Variants in PEX14 observed in about 807,000 individuals in gnomAD.
The protein encoded by PEX14 is peroxisomal biogenesis factor 14.
Under a neutral mutation model 49.5 loss-of-function variants are expected in PEX14, and 15 were observed. That is an observed-to-expected ratio of 0.30 (90% confidence interval 0.20 to 0.47). The LOEUF is 0.47. Among genes scored for constraint, PEX14 ranks in the 20% least tolerant of loss-of-function variants. PEX14 has a pLI of 1.00. For missense variants in PEX14, 398 were observed against 494.8 expected (o/e 0.80, Z 1.86); for synonymous variants, 210 against 212.7 (o/e 0.99, Z 0.11).
At chr1:10,548,764 A>G (rs564183543) in intron 3 of PEX14, among the ~76,000 whole-genome samples, 177 of 152,328 alleles carry the variant, frequency 1.2e-3, no homozygotes, top group African/African-American at 4.1e-3. Context: ...GGTCCTCAGT[A>G]AACAGAGTGA....
intron 1 of PEX14, among the ~76,000 whole-genome samples, chr1:10,477,653 G>C (rs1288195024): frequency 6.6e-6 from 1 of 152,172 alleles, no homozygotes; most frequent in Non-Finnish European, 1.5e-5. Context: ...CTGGTTTCCA[G>C]CTATTAAAGG....
rs964198205 is a variant in PEX14, at chr1:10,539,018, T to G, written c.169+2721T>G. 2.6e-5 allele frequency among the ~76,000 whole-genome samples: 4 copies of G among 152,198 alleles called. No individual in the cohort carries two copies. Among genetic ancestry groups the G allele is most frequent in the African/African-American group, 9.6e-5 (4 of 41,458 alleles). ...ATCCAATTTTGTTTTTCTTTTAATA[T>G]TATTTAATATTTAATATAGAAATTG... On this transcript the variant is annotated intron_variant, in intron 3 of 8. Coordinates refer to ENST00000356607, the MANE Select transcript of PEX14 (RefSeq NM_004565.3). The surrounding 1 kb of genome is among the most constrained non-coding windows in gnomAD (Gnocchi z 4.6).
At chr1:10,520,848 T>C (rs942397609) in intron 2 of PEX14, among the ~76,000 whole-genome samples, 4 of 152,140 alleles carry the variant, frequency 2.6e-5, no homozygotes, top group African/African-American at 9.7e-5. Flanking sequence ...GTTAAATGAA[T>C]TGATCCACAC....
rs760139700 is a variant in PEX14 at position 10,623,083 on chromosome 1, C to T, written c.449C>T (p.Ala150Val). Residue 150 changes from alanine to valine, a missense_variant, in exon 6 of 9, where the codon GCC becomes GTC. Ala to Val is a moderately conservative substitution (Grantham distance 64, BLOSUM62 0). Coordinates refer to ENST00000356607, the MANE Select transcript of PEX14 (RefSeq NM_004565.3). This position sits in a 1 kb window ranked among gnomAD's most constrained non-coding sequence, Gnocchi z 4.4. ...AGAAAGCAGCTGGAGAGGATGGAGG[C>T]CGGTCTCTCTGAGCTGAGTGGCAGC... ...EDRKQLERME[A>V]GLSELSGSVA... The T allele has an allele frequency of 3.1e-6, 5 of 1,613,744 alleles. No individual in the cohort carries two copies. The East Asian group carries it at 8.9e-5, about 29-fold the overall frequency.
chr1:10,538,126 T>C (rs1638893091), intron 3 of PEX14, among the ~76,000 whole-genome samples: 1 of 152,056 alleles, frequency 6.6e-6, no homozygotes, highest in Non-Finnish European at 1.5e-5. Flanking sequence ...GATTAACAAA[T>C]GGGAAAATGA....
At chr1:10,505,648 A>G (rs1020352510) in intron 2 of PEX14, among the ~76,000 whole-genome samples, 10 of 148,846 alleles carry the variant, frequency 6.7e-5, no homozygotes, top group Admixed American at 6.0e-4. Flanking sequence ...GAGTGCCAAG[A>G]TTACAGGTGT....
At chr1:10,566,620 C>T (rs1639812680) in intron 3 of PEX14, among the ~76,000 whole-genome samples, 1 of 152,080 alleles carries the variant, frequency 6.6e-6, no homozygotes, top group African/African-American at 2.4e-5. Context: ...TCCCGAGTAG[C>T]TAGGATTACA....
intron 1 of PEX14, among the ~76,000 whole-genome samples, chr1:10,478,749 ATT>A (rs773890718): frequency 5.0e-5 from 7 of 141,316 alleles, no homozygotes; most frequent in Admixed American, 7.1e-5. Flanking sequence ...TGGCTAATGT[ATT>A]TTTTTTTTTT....
At chr1:10,568,335 C>A (rs1477128153) in intron 3 of PEX14, among the ~76,000 whole-genome samples, 1 of 130,030 alleles carries the variant, frequency 7.7e-6, no homozygotes, top group African/African-American at 2.9e-5. Context: ...CCCCCCCCCC[C>A]CCCACTCCCA....
intron 2 of PEX14, among the ~76,000 whole-genome samples, chr1:10,508,440 C>G (rs2124430808): frequency 6.6e-6 from 1 of 152,306 alleles, no homozygotes; most frequent in Non-Finnish European, 1.5e-5. Context: ...ATCTCCTGAC[C>G]TCGGCCTCCC....
chr1:10,581,617 C>A (rs1451341065), intron 3 of PEX14, among the ~76,000 whole-genome samples: 1 of 151,640 alleles, frequency 6.6e-6, no homozygotes, highest in Non-Finnish European at 1.5e-5. Flanking sequence ...CCTTGTTATT[C>A]TTATTTGTGC....
chr1:10,545,246 A>C (rs778614366), intron 3 of PEX14, among the ~76,000 whole-genome samples: 7 of 152,014 alleles, frequency 4.6e-5, no homozygotes, highest in Non-Finnish European at 1.0e-4. Context: ...CTGTTGATGG[A>C]CATTTGGGTT....
chr1:10,596,969 G>C (rs1196415937), intron 3 of PEX14, among the ~76,000 whole-genome samples: 1 of 152,234 alleles, frequency 6.6e-6, no homozygotes, highest in African/African-American at 2.4e-5. Flanking sequence ...GATAATGCAA[G>C]GAACATGTTT....
At chr1:10,584,527 T>C (rs1640423610) in intron 3 of PEX14, among the ~76,000 whole-genome samples, 1 of 152,212 alleles carries the variant, frequency 6.6e-6, no homozygotes, top group South Asian at 2.1e-4. Flanking sequence ...TGTCTGTAAC[T>C]TAGTCTCAAA....
At chr1:10,524,965 T>C (rs1570205890) in intron 2 of PEX14, among the ~76,000 whole-genome samples, 2 of 152,242 alleles carry the variant, frequency 1.3e-5, no homozygotes, top group Admixed American at 6.5e-5. Flanking sequence ...TGCTGAATTA[T>C]AGGCGTGGGC....
intron 3 of PEX14, among the ~76,000 whole-genome samples, chr1:10,544,649 A>G (rs562278133): frequency 6.6e-6 from 1 of 152,292 alleles, no homozygotes; most frequent in East Asian, 1.9e-4. Flanking sequence ...CAGCATCCCC[A>G]AAAGTTTCCT....
chr1:10,564,111 T>C (rs2124536433), intron 3 of PEX14, among the ~76,000 whole-genome samples: 1 of 152,306 alleles, frequency 6.6e-6, no homozygotes, highest in East Asian at 1.9e-4. Flanking sequence ...GTAGTTATCC[T>C]ATGTAACATA....
At chr1:10,549,232 A>G (rs183068563) in intron 3 of PEX14, among the ~76,000 whole-genome samples, 234 of 152,334 alleles carry the variant, frequency 1.5e-3, no homozygotes, top group African/African-American at 5.4e-3. Flanking sequence ...ACTCTTTTTC[A>G]GTCTGTTTTG....
intron 2 of PEX14, among the ~76,000 whole-genome samples, chr1:10,520,299 C>T (rs1400908005): frequency 4.6e-5 from 7 of 151,994 alleles, no homozygotes; most frequent in Admixed American, 4.6e-4. Context: ...GCTAGGACCA[C>T]AGGCATATGC....
Sources: gnomAD v4.1 joint callset for allele counts (sites outside exome capture counted in the v4.1 genomes callset) on GRCh38, gnomAD v4.1.1 for gene constraint, Gnocchi (gnomAD v3.1) non-coding constraint, MANE v1.5 for transcripts, NCBI Gene and HGNC (gene_info 2026-07-23, HGNC 2026-07-21) for gene names.